The following IL17RA variants were observed in gnomAD, a reference collection of about 807,000 sequenced individuals.
IL17RA encodes the protein interleukin 17 receptor A.
A neutral mutation model predicts 50.4 loss-of-function variants in IL17RA; 34 were observed. The ratio of observed to expected loss-of-function variants is 0.67; its 90% CI spans 0.51 to 0.90. The LOEUF (loss-of-function observed/expected upper bound fraction) is 0.90. IL17RA is among the 40% of genes least tolerant of loss of function. The probability of loss-of-function intolerance (pLI) is 0.00; values close to 1 mark genes in which losing one functional copy is unlikely to be tolerated. For synonymous variants in IL17RA, 585 were observed against 510.4 expected (o/e 1.15, Z -1.97); for missense variants, 1,276 against 1,169.8 (o/e 1.09, Z -1.32).
rs1380240224 is a variant in IL17RA at position 17,109,482 on chromosome 22, C to T, written c.2263C>T (p.Leu755Phe). 3.7e-6 allele frequency: 6 copies of T among 1,611,170 alleles called. No homozygotes were observed. The highest frequency in any genetic ancestry group is 1.7e-5 in the Admixed American group (1 of 59,798). The change falls in exon 13 of 13, where the codon CTC (leucine) becomes TTC (phenylalanine). Residue 755 changes from leucine to phenylalanine, a missense_variant. By Grantham distance (22) the Leu-to-Phe change is conservative. Transcript: ENST00000319363. ...GCACCTCGAAGGCTTGATGCTCTCG[C>T]TCTTCGAGCAGAGTCTGAGCTGCCA... ...REHLEGLMLS[L>F]FEQSLSCQAQ...
At chr22:17,100,633 G>T in intron 5 of IL17RA, 152 bp downstream of exon 5, 2 of 993,490 alleles carry the variant, frequency 2.0e-6, no homozygotes, top group South Asian at 2.7e-5. Context: ...CCAAGACTGG[G>T]AGTGCTTTGG....
At chr22:17,105,139 G>A (rs2061408900) in intron 9 of IL17RA, among the ~76,000 whole-genome samples, 2 of 152,240 alleles carry the variant, frequency 1.3e-5, no homozygotes, top group Admixed American at 6.5e-5. Context: ...CCAACATGCC[G>A]TCCATTTTTT....
chr22:17,097,344 C>T (rs917375688), intron 2 of IL17RA: 8 of 561,272 alleles, frequency 1.4e-5, no homozygotes, highest in African/African-American at 1.3e-4. Context: ...AGCTGCCCTA[C>T]TGTATCTATA....
chr22:17,093,067 ATTGT>A (rs2061353505), intron 1 of IL17RA, among the ~76,000 whole-genome samples: 1 of 149,854 alleles, frequency 6.7e-6, no homozygotes, highest in Non-Finnish European at 1.5e-5. Flanking sequence ...TGTTAACAGC[ATTGT>A]TTTTTTTTTC....
chr22:17,086,263 T>C (rs1025169053), intron 1 of IL17RA, among the ~76,000 whole-genome samples: 3 of 151,914 alleles, frequency 2.0e-5, no homozygotes, highest in African/African-American at 7.3e-5. Flanking sequence ...CCCCAAGGAA[T>C]AATGCTCAGT....
intron 1 of IL17RA, 45 bp downstream of exon 1, chr22:17,085,274 C>T (rs1377493304): frequency 1.3e-6 from 2 of 1,533,808 alleles, no homozygotes; most frequent in African/African-American, 1.4e-5. Context: ...ATGCTGCGGA[C>T]GCGGGGCAAG....
chr22:17,085,770 C>A (rs1352840242), intron 1 of IL17RA, among the ~76,000 whole-genome samples: 1 of 152,152 alleles, frequency 6.6e-6, no homozygotes, highest in Non-Finnish European at 1.5e-5. Context: ...GGCGAGCCCA[C>A]GTCGTCCGTG....
chr22:17,109,435 T>A lies in IL17RA; in HGVS notation c.2216T>A (p.Leu739His), dbSNP rs763677791. Reference protein sequence around the residue: ...GSSTPMASPDLLPEDVREHLE... With the variant: ...GSSTPMASPDHLPEDVREHLE... ...AGCACCCCCATGGCGTCTCCTGACC[T>A]CCTTCCAGAGGACGTGAGGGAGCAC... Residue 739 changes from leucine (L) to histidine (H), a missense_variant, in exon 13 of 13, where the codon CTC (leucine) becomes CAC (histidine). Leu to His is a moderately conservative substitution (Grantham distance 99). Coordinates refer to ENST00000319363, the MANE Select transcript of IL17RA (RefSeq NM_014339.7). 8 of 1,613,270 alleles carry A rather than the reference T, an allele frequency of 5.0e-6. No individual in the cohort carries two copies. Among genetic ancestry groups the A allele is most frequent in the South Asian group, 1.1e-5 (1 of 91,040 alleles).
intron 1 of IL17RA, among the ~76,000 whole-genome samples, chr22:17,091,836 G>A (rs2061349321): frequency 6.6e-6 from 1 of 152,052 alleles, no homozygotes; most frequent in Non-Finnish European, 1.5e-5. Context: ...TTTTTGTGCA[G>A]GCCATTTAGT....
chr22:17,103,699 G>A, intron 8 of IL17RA, 122 bp downstream of exon 8: 1 of 784,352 alleles, frequency 1.3e-6, no homozygotes, highest in South Asian at 1.5e-5. Context: ...GTGTGCACAG[G>A]TGGAGAGAGT....
rs2061432177 is a variant in IL17RA at position 17,109,661 on chromosome 22, G to C, written c.2442G>C (p.Glu814Asp). ...AGGGACTCACGGAAATGGAGGAAGA[G>C]GAGGAAGAGGAGCAGGACCCAGGGA... ...PPEGLTEMEE[E>D]EEEEQDPGKP... Residue 814 changes from glutamate to aspartate, a missense_variant, in exon 13 of 13, where the codon GAG (glutamate) becomes GAC (aspartate). Coordinates refer to ENST00000319363, the MANE Select transcript of IL17RA (RefSeq NM_014339.7). The C allele has an allele frequency of 1.9e-6, 3 of 1,604,188 alleles. No individual in the cohort carries two copies. Among genetic ancestry groups the C allele is most frequent in the Non-Finnish European group, 2.6e-6 (3 of 1,176,380 alleles).
chr22:17,103,371 T>C, intron 7 of IL17RA, 123 bp from the exon 8 acceptor site: 2 of 756,108 alleles, frequency 2.6e-6, no homozygotes, highest in South Asian at 3.0e-5. Flanking sequence ...GAAAAGCATT[T>C]CTCCCCTGGC....
intron 1 of IL17RA, among the ~76,000 whole-genome samples, chr22:17,086,446 A>G (rs143419263): frequency 6.6e-6 from 1 of 152,008 alleles, no homozygotes. Flanking sequence ...TGGGCAAAGC[A>G]GGTCCCTCTG....
chr22:17,086,945 C>G (rs1436889552), intron 1 of IL17RA, among the ~76,000 whole-genome samples: 1 of 152,192 alleles, frequency 6.6e-6, no homozygotes, highest in African/African-American at 2.4e-5. Context: ...CTCTGACTTT[C>G]ACTGCACAGT....
At chr22:17,089,798 A>G (rs2061341376) in intron 1 of IL17RA, among the ~76,000 whole-genome samples, 1 of 152,054 alleles carries the variant, frequency 6.6e-6, no homozygotes, top group South Asian at 2.1e-4. Context: ...TCTTGCGCCC[A>G]AGAGGTCAAC....
rs1334992597 is a variant in IL17RA, at chr22:17,105,554, A to C, written c.932-37A>C. 3 of 1,604,998 alleles carry C rather than the reference A, an allele frequency of 1.9e-6. No individual in the cohort carries two copies. The African/African-American group carries it at 4.0e-5, about 22-fold the overall frequency. ...CTTGTGATGACTGGGAAGGGTTAAGAATGCTATTTTCCCTTTTTCCTCTGT... is the reference window on the plus strand; with the variant it reads ...CTTGTGATGACTGGGAAGGGTTAAGCATGCTATTTTCCCTTTTTCCTCTGT... On this transcript the variant is annotated intron_variant, in intron 9 of 12. Coordinates refer to ENST00000319363, the MANE Select transcript of IL17RA (RefSeq NM_014339.7).
In IL17RA at chr22:17,109,541, C is replaced by G. The variant is rs752964682; in HGVS notation, c.2322C>G (p.Val774=). The change falls in exon 13 of 13, where the codon GTC becomes GTG. Residue 774 remains valine, a synonymous_variant. Transcript: ENST00000319363. ...GGGGCTGCAGTAGACCCGCCATGGT[C>G]CTCACAGACCCACACACGCCCTACG... The part of the protein sequence containing the change: ...AQGGCSRPAM[V]LTDPHTPYEE... 5 of 1,599,492 alleles carry G rather than the reference C, an allele frequency of 3.1e-6. No homozygotes were observed. Among genetic ancestry groups the G allele is most frequent in the Non-Finnish European group, 3.4e-6 (4 of 1,173,068 alleles).
At position 17,108,777 on chromosome 22, in the gene IL17RA, G is replaced by C; in HGVS notation, c.1558G>C (p.Ala520Pro). Reference protein sequence around the residue: ...DGDVPDLFGAAPRYPLMDRFE... With the variant: ...DGDVPDLFGAPPRYPLMDRFE... The stretch of plus-strand genomic sequence containing the variant: ...CGACGTCCCCGACCTGTTCGGCGCG[G>C]CGCCGCGGTACCCGCTCATGGACAG... The change falls in exon 13 of 13, where the codon GCG (alanine) becomes CCG (proline). Residue 520 changes from alanine to proline, a missense_variant. Transcript: ENST00000319363. The C allele has an allele frequency of 6.2e-7, 1 of 1,608,080 alleles. No homozygotes were observed. The highest frequency in any genetic ancestry group is 8.5e-7 in the Non-Finnish European group (1 of 1,177,464).
chr22:17,104,659 G>T (rs1210061871), intron 8 of IL17RA, 67 bp from the exon 9 acceptor site: 2 of 1,419,068 alleles, frequency 1.4e-6, no homozygotes, highest in Non-Finnish European at 2.0e-6. Context: ...TCACATTGCC[G>T]CTGCTGGCTG....
Sources: allele counts gnomAD v4.1 joint callset (sites outside exome capture counted in the v4.1 genomes callset), GRCh38; gene constraint gnomAD v4.1.1; transcripts MANE v1.5; gene names NCBI Gene and HGNC (gene_info 2026-07-23, HGNC 2026-07-21).